The following KCNQ3 variants were observed in gnomAD, a reference collection of about 807,000 sequenced individuals.
KCNQ3 encodes potassium voltage-gated channel subfamily KQT member 3.
KCNQ3 carries 30 observed loss-of-function variants against 92.5 expected under a neutral mutation model. The ratio of observed to expected loss-of-function variants is 0.32; its 90% CI spans 0.24 to 0.44. The LOEUF (loss-of-function observed/expected upper bound fraction) is 0.44, where lower values mean the gene tolerates loss of function less well. Among genes scored for constraint, KCNQ3 ranks in the 20% least tolerant of loss-of-function variants. The pLI, the probability that KCNQ3 is intolerant of heterozygous loss-of-function variation, is 1.00. For synonymous variants in KCNQ3, 450 were observed against 468.8 expected, an observed-to-expected ratio of 0.96 and a Z score of 0.52; for missense variants, 913 against 1,140.3, an observed-to-expected ratio of 0.80 and a Z score of 2.87.
chr8:132,186,926 G>A (rs1826975281), intron 1 of KCNQ3, among the ~76,000 whole-genome samples: 1 of 120,902 alleles, frequency 8.3e-6, no homozygotes, highest in Non-Finnish European at 1.8e-5. Context: ...GTGTGTGTGT[G>A]TGTGTGTGAG....
intron 1 of KCNQ3, among the ~76,000 whole-genome samples, chr8:132,459,433 T>A (rs1330704567): frequency 6.6e-6 from 1 of 152,138 alleles, no homozygotes; most frequent in African/African-American, 2.4e-5. Flanking sequence ...AGCTGGTATG[T>A]GCAGAGATCA....
chr8:132,344,261 C>T (rs186143726), intron 1 of KCNQ3, among the ~76,000 whole-genome samples: 96 of 152,342 alleles, frequency 6.3e-4, no homozygotes, highest in Non-Finnish European at 1.1e-3. Context: ...ACAGCCCTTA[C>T]ATTTACTACA....
At chr8:132,220,347 T>C (rs949777037) in intron 1 of KCNQ3, among the ~76,000 whole-genome samples, 8 of 152,214 alleles carry the variant, frequency 5.3e-5, no homozygotes, top group Non-Finnish European at 1.0e-4. Context: ...TAAGGCATCA[T>C]GGCCAACTTA....
At chr8:132,321,326 T>C (rs942380018) in intron 1 of KCNQ3, 1 of 152,324 alleles carries the variant, frequency 6.6e-6, no homozygotes, top group Non-Finnish European at 1.5e-5. Flanking sequence ...AACCTAGCCT[T>C]GGCACAGCCA....
chr8:132,303,252 T>C (rs1817279334), intron 1 of KCNQ3, among the ~76,000 whole-genome samples: 1 of 152,048 alleles, frequency 6.6e-6, no homozygotes, highest in Non-Finnish European at 1.5e-5. Context: ...GATAAAGCAC[T>C]CATTTGCAAA....
intron 1 of KCNQ3, among the ~76,000 whole-genome samples, chr8:132,256,606 G>A (rs1397032180): frequency 6.6e-6 from 1 of 152,114 alleles, no homozygotes; most frequent in East Asian, 1.9e-4. Context: ...CAGCAAGAGA[G>A]AAACAACTAA....
chr8:132,226,612 T>C (rs1009203050), intron 1 of KCNQ3, among the ~76,000 whole-genome samples: 1 of 152,188 alleles, frequency 6.6e-6, no homozygotes, highest in African/African-American at 2.4e-5. Context: ...GTTGTAGCTA[T>C]TAAGGACCAT....
intron 1 of KCNQ3, among the ~76,000 whole-genome samples, chr8:132,430,677 C>T (rs1392638855): frequency 6.6e-6 from 1 of 152,186 alleles, no homozygotes; most frequent in Non-Finnish European, 1.5e-5. Context: ...GGAGTTCCTC[C>T]CCATGCAGAC....
chr8:132,432,243 T>A (rs1010927342), intron 1 of KCNQ3, among the ~76,000 whole-genome samples: 2 of 151,946 alleles, frequency 1.3e-5, no homozygotes, highest in Non-Finnish European at 2.9e-5. Context: ...GCAGAGTGAA[T>A]TGGAATCGAA....
intron 1 of KCNQ3, among the ~76,000 whole-genome samples, chr8:132,249,613 G>A (rs546486969): frequency 2.0e-4 from 31 of 152,296 alleles, no homozygotes; most frequent in Admixed American, 1.2e-3. Context: ...ATCCTGCACC[G>A]GGGCCACAGG....
chr8:132,362,194 C>A (rs1290179803), intron 1 of KCNQ3, among the ~76,000 whole-genome samples: 4 of 151,878 alleles, frequency 2.6e-5, no homozygotes, highest in Non-Finnish European at 5.9e-5. Context: ...TCAAAAGAGA[C>A]CAGTATTAAT....
At chr8:132,406,711 C>G (rs558481020) in intron 1 of KCNQ3, among the ~76,000 whole-genome samples, 38 of 152,262 alleles carry the variant, frequency 2.5e-4, no homozygotes, top group African/African-American at 8.4e-4. Context: ...GAAACACCAT[C>G]AGTTTAATAA....
intron 1 of KCNQ3, among the ~76,000 whole-genome samples, chr8:132,263,720 G>C (rs1339384363): frequency 3.9e-5 from 6 of 152,212 alleles, no homozygotes; most frequent in Admixed American, 6.5e-5. Flanking sequence ...GGATGTAGAG[G>C]CTCCTTCTTC....
At chr8:132,343,240 A>G (rs1818587820) in intron 1 of KCNQ3, among the ~76,000 whole-genome samples, 1 of 152,186 alleles carries the variant, frequency 6.6e-6, no homozygotes, top group Non-Finnish European at 1.5e-5. Flanking sequence ...TTCATTCTTT[A>G]TTACAGTTTT....
intron 12 of KCNQ3, among the ~76,000 whole-genome samples, chr8:132,136,071 A>G (rs1433935736): frequency 7.3e-6 from 1 of 136,304 alleles, no homozygotes; most frequent in Non-Finnish European, 1.5e-5. Context: ...GTGAGCCGAG[A>G]TCGCGCCACT....
intron 4 of KCNQ3, among the ~76,000 whole-genome samples, chr8:132,178,908 C>T (rs111881980): frequency 1.3e-5 from 2 of 150,120 alleles, no homozygotes; most frequent in African/African-American, 4.9e-5. Context: ...TGACACATTT[C>T]CATGTAATTA....
chr8:132,205,840 AG>A (rs376292624), intron 1 of KCNQ3, among the ~76,000 whole-genome samples: 1 of 152,284 alleles, frequency 6.6e-6, no homozygotes, highest in East Asian at 1.9e-4. Context: ...CCCTGCTTCT[AG>A]GAAGACCAGG....
chr8:132,219,050 T>G (rs1374538015), intron 1 of KCNQ3, among the ~76,000 whole-genome samples: 1 of 152,208 alleles, frequency 6.6e-6, no homozygotes, highest in African/African-American at 2.4e-5. Context: ...ATGACCTCTG[T>G]GGTGTGGAAG....
rs534354271 is a variant in KCNQ3, at chr8:132,316,158, T to A, written c.387-129977A>T. Among the ~76,000 whole-genome samples the A allele has an allele frequency of 5.6e-4, 85 of 152,286 alleles. 1 individual carries two copies. The South Asian group carries it at 0.017, about 31-fold the overall frequency. The stretch of plus-strand genomic sequence containing the variant: ...ACATTTGTCCCCAGATAAGCCATCG[T>A]GATTAAATGGGACCCTTTTATCCAA... On this transcript the variant is annotated intron_variant, in intron 1 of 14. Transcript: ENST00000388996.
Sources: allele counts gnomAD v4.1 joint callset (sites outside exome capture counted in the v4.1 genomes callset), GRCh38; gene constraint gnomAD v4.1.1; transcripts MANE v1.5; gene names NCBI Gene and HGNC (gene_info 2026-07-23, HGNC 2026-07-21).